PRKN: variants seen among roughly 807,000 people sequenced by gnomAD.
PRKN encodes the protein parkin RBR E3 ubiquitin protein ligase.
In PRKN, 56 loss-of-function variants were observed where a neutral mutation model predicts 59.5. That is an observed-to-expected ratio of 0.94 (90% CI 0.76 to 1.18). PRKN has a LOEUF of 1.18. Among genes scored for constraint, PRKN ranks in the 50% most tolerant of loss-of-function variants. The pLI is 0.00. For missense variants in PRKN, 657 were observed against 596.4 expected (o/e 1.10, Z -1.06); for synonymous variants, 250 against 222.1 (o/e 1.13, Z -1.12).
At chr6:161,364,276 T>A (rs1266489514) in intron 10 of PRKN, among the ~76,000 whole-genome samples, 1 of 147,968 alleles carries the variant, frequency 6.8e-6, no homozygotes, top group Admixed American at 6.8e-5. Context: ...CTGACCAACA[T>A]GGTGAAACCC....
chr6:161,469,030 C>A (rs901014310), intron 9 of PRKN, among the ~76,000 whole-genome samples: 5 of 152,154 alleles, frequency 3.3e-5, no homozygotes, highest in African/African-American at 1.2e-4. Context: ...CAAAATGCTG[C>A]CAAAGAGTCA....
intron 1 of PRKN, among the ~76,000 whole-genome samples, chr6:162,446,407 A>G (rs1237629332): frequency 2.0e-5 from 3 of 152,208 alleles, no homozygotes; most frequent in Admixed American, 6.5e-5. Context: ...CAGGGGTTCA[A>G]ATCATGGAAC....
At chr6:162,328,372 C>T (rs946762263) in intron 2 of PRKN, among the ~76,000 whole-genome samples, 14 of 152,070 alleles carry the variant, frequency 9.2e-5, no homozygotes, top group African/African-American at 2.9e-4. Context: ...CTCAAAAAAA[C>T]GAACAAACAA....
At chr6:161,902,128 G>C (rs1777940064) in intron 6 of PRKN, among the ~76,000 whole-genome samples, 1 of 152,088 alleles carries the variant, frequency 6.6e-6, no homozygotes, top group Admixed American at 6.5e-5. Flanking sequence ...AGGAGAACAG[G>C]GGTTTCTAAG....
intron 4 of PRKN, among the ~76,000 whole-genome samples, chr6:162,118,013 T>C (rs548623576): frequency 2.3e-4 from 35 of 152,196 alleles, no homozygotes; most frequent in Non-Finnish European, 3.7e-4. Flanking sequence ...GGAGAATTGC[T>C]TGAACCTGGG....
intron 4 of PRKN, among the ~76,000 whole-genome samples, chr6:162,195,908 T>C (rs1355354128): frequency 6.6e-6 from 1 of 152,232 alleles, no homozygotes; most frequent in African/African-American, 2.4e-5. Flanking sequence ...CAAGACCAGA[T>C]GCTGTATGTG....
At chr6:162,359,333 TGAGTTTTGA>T (rs1444006467) in intron 2 of PRKN, among the ~76,000 whole-genome samples, 1 of 151,840 alleles carries the variant, frequency 6.6e-6, no homozygotes. Context: ...TTGAGAAAGT[TGAGTTTTGA>T]GAGCCCTAAC....
chr6:161,967,269 G>A (rs1780617532), intron 6 of PRKN, among the ~76,000 whole-genome samples: 1 of 122,674 alleles, frequency 8.2e-6, no homozygotes, highest in Admixed American at 7.9e-5. Context: ...CAACATATAT[G>A]TGATTTGGTA....
intron 9 of PRKN, among the ~76,000 whole-genome samples, chr6:161,532,170 A>T (rs201240350): frequency 2.0e-5 from 1 of 50,440 alleles, no homozygotes; most frequent in African/African-American, 7.1e-5. Flanking sequence ...CTCTCTCTAT[A>T]TATATATATA....
At chr6:161,912,016 A>G (rs1291974814) in intron 6 of PRKN, among the ~76,000 whole-genome samples, 4 of 152,056 alleles carry the variant, frequency 2.6e-5, no homozygotes, top group South Asian at 2.1e-4. Context: ...CGTCTCTACT[A>G]AAAATACAAA....
At chr6:161,966,268 T>TA (rs113003442) in intron 6 of PRKN, among the ~76,000 whole-genome samples, 5,361 of 151,966 alleles carry the variant, frequency 0.035, 343 homozygotes, top group African/African-American at 0.12. Context: ...TTGGGTATGA[T>TA]AAAAAAAATC....
intron 7 of PRKN, among the ~76,000 whole-genome samples, chr6:161,570,076 A>T (rs1443898995): frequency 6.8e-6 from 1 of 146,030 alleles, no homozygotes; most frequent in African/African-American, 2.6e-5. Flanking sequence ...GCTCCTTCAG[A>T]CTTTCACCTT....
At chr6:162,105,112 C>T (rs565151430) in intron 4 of PRKN, among the ~76,000 whole-genome samples, 35 of 152,094 alleles carry the variant, frequency 2.3e-4, no homozygotes, top group African/African-American at 8.2e-4. Context: ...GGGTATGCAG[C>T]GAAAAGAAGA....
At chr6:161,597,919 A>C (rs1267136410) in intron 7 of PRKN, among the ~76,000 whole-genome samples, 1 of 152,216 alleles carries the variant, frequency 6.6e-6, no homozygotes, top group African/African-American at 2.4e-5. Context: ...TCATGTACCT[A>C]CTTAAATGCA....
intron 3 of PRKN, among the ~76,000 whole-genome samples, chr6:162,242,913 A>G (rs1227264367): frequency 1.3e-5 from 2 of 152,132 alleles, no homozygotes; most frequent in Admixed American, 6.6e-5. Context: ...TTACATTTAC[A>G]TGAAAGAGCC....
rs113584836 is a variant in PRKN at position 161,552,288 on chromosome 6, T to C, written c.934-3285A>G. ...CCTATGACTGTGAATGATCTCACGG[T>C]GATCCTCCAAGCCCCTCTCCCTCAG... is the stretch of plus-strand genomic sequence containing the variant. On this transcript the variant is annotated intron_variant, in intron 8 of 11. Coordinates refer to ENST00000366898, the MANE Select transcript of PRKN (RefSeq NM_004562.3). The surrounding 1 kb of genome is among the most constrained non-coding windows in gnomAD (Gnocchi z 4.9). 0.033 allele frequency among the ~76,000 whole-genome samples: 5,052 copies of C among 151,880 alleles called. 113 individuals are homozygous for C. The highest frequency in any genetic ancestry group is 0.048 in the Non-Finnish European group (3,232 of 67,902).
At position 161,350,139 on chromosome 6, in the gene PRKN, C is replaced by T. The variant is rs137853056; in HGVS notation, c.1358G>A (p.Trp453Ter). 6.2e-7 allele frequency: 1 copy of T among 1,613,592 alleles called. No homozygotes were observed. The highest frequency in any genetic ancestry group is 8.5e-7 in the Non-Finnish European group (1 of 1,179,954). ...LEWCWNCGCE[W>*]NRVCMGDHWF... ...GTGGTCCCCCATGCAGACGCGGTTC[C>T]ACTCGCAGCCACAGTTCCAGCACCA... Residue 453 changes from tryptophan to a stop codon, truncating the protein, a stop_gained, in exon 12 of 12, where the codon TGG becomes TAG. Transcript: ENST00000366898. LOFTEE classifies it high-confidence loss of function.
chr6:162,236,589 C>T (rs574065482), intron 3 of PRKN, among the ~76,000 whole-genome samples: 18 of 151,442 alleles, frequency 1.2e-4, no homozygotes, highest in African/African-American at 3.4e-4. Flanking sequence ...AGTTTGAAAC[C>T]AGCCTGGCCA....
chr6:162,553,121 C>T (rs145684709), intron 1 of PRKN, among the ~76,000 whole-genome samples: 196 of 152,048 alleles, frequency 1.3e-3, no homozygotes, highest in African/African-American at 4.5e-3. Flanking sequence ...AAGAGGCAGA[C>T]GCTCTTACAA....
Sources: allele counts gnomAD v4.1 joint callset (sites outside exome capture counted in the v4.1 genomes callset), GRCh38; gene constraint gnomAD v4.1.1; non-coding constraint Gnocchi (gnomAD v3.1); transcripts MANE v1.5; gene names NCBI Gene and HGNC (gene_info 2026-07-23, HGNC 2026-07-21).